Variants in SLC11A2 observed in about 807,000 individuals in gnomAD.
SLC11A2 encodes the protein solute carrier family 11 member 2.
SLC11A2 carries 38 observed loss-of-function variants against 68.0 expected under a neutral mutation model. The observed-to-expected ratio is 0.56, with a 90% CI of 0.43 to 0.73. The LOEUF is 0.73. Ranked by LOEUF, SLC11A2 falls within the 30% of genes least tolerant of loss-of-function variation. The probability of loss-of-function intolerance (pLI) is 0.00; values close to 1 mark genes in which losing one functional copy is unlikely to be tolerated. For missense variants in SLC11A2, 517 were observed against 690.5 expected (o/e 0.75, Z 2.82); for synonymous variants, 242 against 250.6 (o/e 0.97, Z 0.32).
intron 15 of SLC11A2, among the ~76,000 whole-genome samples, chr12:50,990,332 A>C (rs577169661): frequency 1.3e-5 from 2 of 152,184 alleles, no homozygotes; most frequent in Admixed American, 1.3e-4. Flanking sequence ...TCTGTTTTGT[A>C]CCGTTCTCCA....
chr12:51,013,289 CTTTTTTTTTT>C (rs10588295), intron 1 of SLC11A2, among the ~76,000 whole-genome samples: 3 of 130,988 alleles, frequency 2.3e-5, no homozygotes, highest in Non-Finnish European at 4.9e-5. Context: ...AATTAAATTG[CTTTTTTTTTT>C]TTTTTTTTGA....
At chr12:50,956,379 G>A in the SLC11A2 span, among the ~76,000 whole-genome samples, 7 of 152,128 alleles carry the variant, frequency 4.6e-5, no homozygotes, top group South Asian at 2.1e-4. Context: ...GCAACAGAGC[G>A]AGACTCCATC....
At chr12:50,997,033 A>G (rs2136222974) in intron 8 of SLC11A2, 61 bp from the exon 9 acceptor site, 1 of 1,325,010 alleles carries the variant, frequency 7.5e-7, no homozygotes, top group South Asian at 1.2e-5. Flanking sequence ...GTAACATAGT[A>G]CCAGGGAACA....
chr12:51,004,902 G>T lies in SLC11A2; in HGVS notation c.315C>A (p.Leu105=). Residue 105 remains leucine, a synonymous_variant, in exon 5 of 16, where the codon CTC becomes CTA. Transcript: ENST00000262052. ...QSGAVAGFKL[L]WILLLATLVG... is the part of the protein sequence containing the mutation. ...CAAGGGTGGCCAACAGAAGGATCCA[G>T]AGCAACTAAGAAGAACAAAATCTCC... 6.2e-7 allele frequency: 1 copy of T among 1,614,032 alleles called. No homozygotes were observed. The highest frequency in any genetic ancestry group is 1.3e-5 in the African/African-American group (1 of 75,050).
At chr12:51,017,336 A>G (rs917114926) in intron 1 of SLC11A2, among the ~76,000 whole-genome samples, 1 of 152,234 alleles carries the variant, frequency 6.6e-6, no homozygotes, top group Non-Finnish European at 1.5e-5. Flanking sequence ...GATAGGATAC[A>G]ATCTCTAAAA....
At chr12:50,972,341 A>C in the SLC11A2 span, among the ~76,000 whole-genome samples, 2 of 152,386 alleles carry the variant, frequency 1.3e-5, no homozygotes, top group African/African-American at 2.4e-5. Context: ...GCTTGAAAAA[A>C]GCAATGCTAA....
At chr12:51,023,349 T>C (rs1438864763) in intron 1 of SLC11A2, among the ~76,000 whole-genome samples, 2 of 152,128 alleles carry the variant, frequency 1.3e-5, no homozygotes, top group African/African-American at 4.8e-5. Context: ...CAGGAGGCTC[T>C]AGTGGGAGGA....
In SLC11A2 at chr12:50,988,192, G is replaced by T; in HGVS notation, c.*133C>A. 6.4e-7 allele frequency: 1 copy of T among 1,551,458 alleles called. No individual in the cohort carries two copies. Among genetic ancestry groups the T allele is most frequent in the South Asian group, 1.2e-5 (1 of 84,516 alleles). ...ATCTTTCAAATACACATGAAACAAA[G>T]TCTTTTCCAACCAACGGTTGAGTCA... On this transcript the variant is annotated 3_prime_UTR_variant, in exon 16 of 16. Coordinates refer to ENST00000262052, the MANE Select transcript of SLC11A2 (RefSeq NM_000617.3).
At chr12:50,995,989 CT>C (rs1400114388) in intron 9 of SLC11A2, among the ~76,000 whole-genome samples, 1 of 152,184 alleles carries the variant, frequency 6.6e-6, no homozygotes, top group Non-Finnish European at 1.5e-5. Flanking sequence ...ACTTCATGCC[CT>C]TTCGTTGAAC....
the SLC11A2 span, among the ~76,000 whole-genome samples, chr12:50,956,297 C>T: frequency 7.4e-4 from 113 of 152,058 alleles, no homozygotes; most frequent in Non-Finnish European, 1.3e-3. Flanking sequence ...GAGGCTGAGG[C>T]GGGAGAATCA....
the SLC11A2 span, among the ~76,000 whole-genome samples, chr12:50,972,850 C>T: frequency 2.6e-4 from 39 of 152,336 alleles, no homozygotes; most frequent in South Asian, 3.3e-3. Flanking sequence ...TTATATCCCG[C>T]GCATGGCTCA....
At chr12:50,965,182 T>C in the SLC11A2 span, among the ~76,000 whole-genome samples, 1 of 152,124 alleles carries the variant, frequency 6.6e-6, no homozygotes, top group African/African-American at 2.4e-5. Context: ...GGTATGATCA[T>C]GGCTCGCTAC....
At chr12:50,971,939 A>T in the SLC11A2 span, among the ~76,000 whole-genome samples, 83 of 152,380 alleles carry the variant, frequency 5.4e-4, no homozygotes, top group African/African-American at 2.0e-3. Flanking sequence ...AATTATTTTA[A>T]AAGTTGTCAA....
rs747124260 is a variant in SLC11A2 at position 50,987,027 on chromosome 12, A to C, written c.*1298T>G. On this transcript the variant is annotated 3_prime_UTR_variant, in exon 16 of 16. Coordinates refer to ENST00000262052, the MANE Select transcript of SLC11A2 (RefSeq NM_000617.3). ...AGTTTTGATTATTTATCTCCATCAAAGTGATTTGATTTGAGATAATCACAC... is the reference window on the plus strand; with the variant it reads ...AGTTTTGATTATTTATCTCCATCAACGTGATTTGATTTGAGATAATCACAC... 13 of 1,286,212 alleles carry C rather than the reference A, an allele frequency of 1.0e-5. No individual in the cohort carries two copies. The South Asian group carries it at 1.6e-4, about 16-fold the overall frequency. The allele number at this position is 1,286,212 out of a possible 1,614,324, so 79.7% of individuals were successfully genotyped here.
chr12:51,019,163 A>G (rs1943871458), intron 1 of SLC11A2, among the ~76,000 whole-genome samples: 1 of 152,252 alleles, frequency 6.6e-6, no homozygotes, highest in African/African-American at 2.4e-5. Flanking sequence ...AGTGCCAGAG[A>G]CATGCTAGTG....
chr12:51,010,671 C>G, intron 2 of SLC11A2, 24 bp downstream of exon 2: 1 of 1,327,478 alleles, frequency 7.5e-7, no homozygotes, highest in Non-Finnish European at 1.1e-6. Flanking sequence ...TAAAATTAGA[C>G]AATAACACAA....
Position 50,996,847 on chromosome 12 carries a change from G to C in SLC11A2, c.801C>G (p.His267Gln). ...CTAAGGCAGAATGCAGGTACATGTT[G>C]TGTGGCATGATGACAGCTCCCACGA... ...VGIVGAVIMP[H>Q]NMYLHSALVK... Residue 267 changes from histidine (H) to glutamine (Q), a missense_variant, in exon 9 of 16, where the codon CAC (histidine) becomes CAG (glutamine). His to Gln is a conservative substitution (Grantham distance 24). Coordinates refer to ENST00000262052, the MANE Select transcript of SLC11A2 (RefSeq NM_000617.3). 1 of 1,614,146 alleles carries C rather than the reference G, an allele frequency of 6.2e-7. No individual in the cohort carries two copies. Among genetic ancestry groups the C allele is most frequent in the Admixed American group, 1.7e-5 (1 of 60,016 alleles).
chr12:50,993,742 C>T (rs1009922636), intron 11 of SLC11A2, among the ~76,000 whole-genome samples: 1 of 151,692 alleles, frequency 6.6e-6, no homozygotes, highest in Non-Finnish European at 1.5e-5. Context: ...GCAGGAGAAG[C>T]ACTTGAACCC....
At chr12:51,027,702 C>A (rs891347568), upstream of SLC11A2, among the ~76,000 whole-genome samples, 3 of 152,168 alleles carry the variant, frequency 2.0e-5, no homozygotes, top group Non-Finnish European at 4.4e-5. Flanking sequence ...TTTACAGCCA[C>A]CAAAAACATT....
Sources: allele counts gnomAD v4.1 joint callset (sites outside exome capture counted in the v4.1 genomes callset), GRCh38; gene constraint gnomAD v4.1.1; transcripts MANE v1.5; gene names NCBI Gene and HGNC (gene_info 2026-07-23, HGNC 2026-07-21).